The following ADAMTS18 variants were observed in gnomAD, a reference collection of about 807,000 sequenced individuals.
ADAMTS18 encodes A disintegrin and metalloproteinase with thrombospondin motifs 18.
A neutral mutation model predicts 165.9 loss-of-function variants in ADAMTS18; 157 were observed. The ratio of observed to expected loss-of-function variants is 0.95; its 90% confidence interval spans 0.83 to 1.08. ADAMTS18 has a LOEUF of 1.08. ADAMTS18 is among the 50% of genes least tolerant of loss of function. ADAMTS18 has a pLI of 0.00. For missense variants in ADAMTS18, 2,040 were observed against 1,534.0 expected (o/e 1.33, Z -5.51); for synonymous variants, 782 against 578.2 (o/e 1.35, Z -5.06).
rs747420099 is a variant in ADAMTS18 at position 77,325,913 on chromosome 16, G to T, written c.1985C>A (p.Pro662His). The change falls in exon 13 of 23, where the codon CCT becomes CAT. Residue 662 changes from proline (P) to histidine (H), a missense_variant. Transcript: ENST00000282849. Reference protein sequence around the residue: ...AQQCAEYNSKPFRGWFYQWKP... With the variant: ...AQQCAEYNSKHFRGWFYQWKP... ...CCACTGGTAGAACCATCCACGGAAA[G>T]GTTTGCTGTTATATTCTGCACACTG... The T allele has an allele frequency of 5.0e-6, 8 of 1,614,026 alleles. No homozygotes were observed. Among genetic ancestry groups the T allele is most frequent in the Admixed American group, 1.7e-5 (1 of 60,010 alleles).
At chr16:77,335,055 G>A (rs2056286050) in intron 12 of ADAMTS18, among the ~76,000 whole-genome samples, 1 of 145,306 alleles carries the variant, frequency 6.9e-6, no homozygotes, top group Non-Finnish European at 1.5e-5. Context: ...TATATATAAT[G>A]TAGTATAATA....
At chr16:77,299,232 C>T (rs2055534543) in intron 17 of ADAMTS18, among the ~76,000 whole-genome samples, 1 of 152,182 alleles carries the variant, frequency 6.6e-6, no homozygotes, top group South Asian at 2.1e-4. Flanking sequence ...TTACATGTGC[C>T]TAGGGAAACA....
At chr16:77,429,558 A>T (rs868396346) in intron 3 of ADAMTS18, among the ~76,000 whole-genome samples, 4 of 152,162 alleles carry the variant, frequency 2.6e-5, no homozygotes, top group Non-Finnish European at 5.9e-5. Flanking sequence ...CACGTGACAA[A>T]CCTTCACTTG....
chr16:77,421,355 T>A (rs1183431218), intron 3 of ADAMTS18, among the ~76,000 whole-genome samples: 1 of 152,238 alleles, frequency 6.6e-6, no homozygotes, highest in African/African-American at 2.4e-5. Context: ...AAACTTGATG[T>A]GACTGAAGAG....
At chr16:77,345,626 T>C (rs2056464410) in intron 10 of ADAMTS18, among the ~76,000 whole-genome samples, 1 of 152,340 alleles carries the variant, frequency 6.6e-6, no homozygotes, top group Non-Finnish European at 1.5e-5. Flanking sequence ...AATATGATAG[T>C]TACTTTCTAC....
rs151020604 is a variant in ADAMTS18, at chr16:77,428,351, A to G, written c.495+2944T>C. Among the ~76,000 whole-genome samples the G allele has an allele frequency of 2.0e-4, 30 of 152,308 alleles. No individual in the cohort carries two copies. In the East Asian group the frequency reaches 5.6e-3, roughly 28 times the overall value. On this transcript the variant is annotated intron_variant, in intron 3 of 22. Transcript: ENST00000282849. ...ATTACTATAGATGCTAATTAATTTC[A>G]GAGGAGTTATGAACCCCTGATTAAC...
rs935159456 is a variant in ADAMTS18 at position 77,363,810 on chromosome 16, G to T, written c.1048C>A (p.Gln350Lys). The T allele has an allele frequency of 6.2e-7, 1 of 1,613,826 alleles. No homozygotes were observed. The highest frequency in any genetic ancestry group is 8.5e-7 in the Non-Finnish European group (1 of 1,179,866). ...TGAAGTTTGCCACTTACAGGTTCTT[G>T]TTCCAGAAGAATTAGGCTCACCACA... ...VVVVSLILLEQEPGGLLINHH... is the reference protein window; with the variant it reads ...VVVVSLILLEKEPGGLLINHH... Residue 350 changes from glutamine (Q) to lysine (K), a missense_variant, in exon 6 of 23, where the codon CAA becomes AAA. Gln to Lys is a moderately conservative substitution (Grantham distance 53, BLOSUM62 1). Coordinates refer to ENST00000282849, the MANE Select transcript of ADAMTS18 (RefSeq NM_199355.4).
At chr16:77,395,943 T>C (rs561198125) in intron 3 of ADAMTS18, among the ~76,000 whole-genome samples, 1 of 152,294 alleles carries the variant, frequency 6.6e-6, no homozygotes, top group Admixed American at 6.5e-5. Flanking sequence ...TTTTGAAGCA[T>C]TTACCACTAT....
intron 3 of ADAMTS18, among the ~76,000 whole-genome samples, chr16:77,401,756 C>A (rs774202201): frequency 1.3e-5 from 2 of 152,188 alleles, no homozygotes; most frequent in African/African-American, 4.8e-5. Context: ...CATCTAATTT[C>A]TTGAGGGTCT....
At chr16:77,395,435 A>G (rs920908580) in intron 3 of ADAMTS18, among the ~76,000 whole-genome samples, 2 of 152,192 alleles carry the variant, frequency 1.3e-5, no homozygotes, top group Non-Finnish European at 2.9e-5. Context: ...ATCTTGCACA[A>G]GTCATTCCCT....
At chr16:77,334,185 TAGTGTTATATATTACATATAATATAC>T (rs1157654888) in intron 12 of ADAMTS18, among the ~76,000 whole-genome samples, 1,526 of 28,896 alleles carry the variant, frequency 0.053, 161 homozygotes, top group East Asian at 0.11. Context: ...ATATAATATA[TAGTGTTATATATTACATATAATATAC>T]AGTGTTATAT....
chr16:77,354,747 AGCAAAGTTAGCT>A (rs1367475182), intron 9 of ADAMTS18, among the ~76,000 whole-genome samples: 1 of 152,346 alleles, frequency 6.6e-6, no homozygotes, highest in East Asian at 1.9e-4. Flanking sequence ...AAGCATAATA[AGCAAAGTTAGCT>A]GCTGCTGTTA....
intron 3 of ADAMTS18, among the ~76,000 whole-genome samples, chr16:77,400,718 C>T (rs2057320313): frequency 6.6e-6 from 1 of 151,710 alleles, no homozygotes; most frequent in South Asian, 2.1e-4. Flanking sequence ...ATCCGCCTGC[C>T]TCGGCCTCCC....
intron 16 of ADAMTS18, among the ~76,000 whole-genome samples, chr16:77,306,475 C>T (rs574285859): frequency 3.9e-5 from 6 of 152,182 alleles, no homozygotes; most frequent in African/African-American, 9.7e-5. Flanking sequence ...CTCTTTCTTT[C>T]GTCCCCACTT....
intron 3 of ADAMTS18, among the ~76,000 whole-genome samples, chr16:77,414,982 C>T (rs1227798085): frequency 1.3e-5 from 2 of 152,196 alleles, no homozygotes; most frequent in Non-Finnish European, 2.9e-5. Context: ...AAAGCATCTG[C>T]AGTTATTGTT....
rs551057593 is a variant in ADAMTS18 at position 77,385,529 on chromosome 16, T to C, written c.496-17806A>G. ...TGATGCACACTATCAGAAAGACACG[T>C]GTTTTTACTTGTTTCTGTGGTGGTA... On this transcript the variant is annotated intron_variant, in intron 3 of 22. Coordinates refer to ENST00000282849, the MANE Select transcript of ADAMTS18 (RefSeq NM_199355.4). 2.0e-5 allele frequency among the ~76,000 whole-genome samples: 3 copies of C among 152,282 alleles called. No individual in the cohort carries two copies. The South Asian group carries it at 6.2e-4, about 32-fold the overall frequency.
At chr16:77,390,073 A>C (rs1597213557) in intron 3 of ADAMTS18, among the ~76,000 whole-genome samples, 1 of 152,062 alleles carries the variant, frequency 6.6e-6, no homozygotes, top group East Asian at 1.9e-4. Flanking sequence ...AAAAATGCAG[A>C]CTCCTCAGGG....
chr16:77,402,559 C>T (rs2144812617), intron 3 of ADAMTS18, among the ~76,000 whole-genome samples: 1 of 152,314 alleles, frequency 6.6e-6, no homozygotes, highest in South Asian at 2.1e-4. Context: ...GATTTCAACT[C>T]TGCGAGCAAA....
chr16:77,363,047 G>A (rs934856475), intron 6 of ADAMTS18, among the ~76,000 whole-genome samples: 1 of 152,110 alleles, frequency 6.6e-6, no homozygotes, highest in African/African-American at 2.4e-5. Context: ...GTGTCTTCCT[G>A]CTTTTTATGT....
Sources: allele counts gnomAD v4.1 joint callset (sites outside exome capture counted in the v4.1 genomes callset), GRCh38; gene constraint gnomAD v4.1.1; transcripts MANE v1.5; gene names NCBI Gene and HGNC (gene_info 2026-07-23, HGNC 2026-07-21).